Variants in PLIN3 observed in about 807,000 individuals in gnomAD.
PLIN3 encodes the protein perilipin-3.
PLIN3 carries 30 observed loss-of-function variants against 35.9 expected under a neutral mutation model. That is an observed-to-expected ratio of 0.84 (90% confidence interval 0.62 to 1.13). The LOEUF is 1.13. Ranked by LOEUF, PLIN3 falls within the 50% of genes most tolerant of loss-of-function variation. PLIN3 has a pLI of 0.00. For missense variants in PLIN3, 603 were observed against 596.9 expected (o/e 1.01, Z -0.11); for synonymous variants, 261 against 262.5 (o/e 0.99, Z 0.06).
intron 4 of PLIN3, among the ~76,000 whole-genome samples, chr19:4,855,502 G>A (rs2030445415): frequency 6.6e-6 from 1 of 151,778 alleles, no homozygotes. Flanking sequence ...CTGATAAGGT[G>A]TAGGCATGGC....
chr19:4,847,249 G>A (rs2030131615), intron 6 of PLIN3, among the ~76,000 whole-genome samples: 1 of 151,016 alleles, frequency 6.6e-6, no homozygotes, highest in South Asian at 2.1e-4. Flanking sequence ...CAGTGCAGTG[G>A]CACAATCATA....
chr19:4,852,209 C>A lies in PLIN3; in HGVS notation c.441G>T (p.Leu147Phe). 6.2e-7 allele frequency: 1 copy of A among 1,612,404 alleles called. No homozygotes were observed. The highest frequency in any genetic ancestry group is 8.5e-7 in the Non-Finnish European group (1 of 1,180,008). The change falls in exon 5 of 8, where the codon TTG (leucine) becomes TTT (phenylalanine). Residue 147 changes from leucine (L) to phenylalanine (F), a missense_variant. Physicochemically the swap from Leu to Phe is conservative, Grantham distance 22 (BLOSUM62 0). Coordinates refer to ENST00000221957, the MANE Select transcript of PLIN3 (RefSeq NM_005817.5). ...CGCGGGTCGCGTCCACCGCCTCCGA[C>A]AATTGGGTGGCCACCGTGTCCTTGG... The part of the protein sequence containing the change: ...SSAKDTVATQ[L>F]SEAVDATRGA...
Position 4,861,433 on chromosome 19 carries a change from G to C in PLIN3, c.-17-22C>G, listed in dbSNP as rs780900745. 3.2e-6 allele frequency: 5 copies of C among 1,571,910 alleles called. No individual in the cohort carries two copies. The East Asian group carries it at 6.7e-5, about 21-fold the overall frequency. ...GACGCTGAGGAGAGAGGAACAGTCA[G>C]GTACAGCCTGCCTGGCCCCACCTTC... On this transcript the variant is annotated intron_variant, in intron 1 of 7. Transcript: ENST00000221957.
At chr19:4,861,046 G>A (rs2030657442) in intron 2 of PLIN3, among the ~76,000 whole-genome samples, 1 of 152,150 alleles carries the variant, frequency 6.6e-6, no homozygotes, top group Non-Finnish European at 1.5e-5. Flanking sequence ...GGACGTCCCT[G>A]AGAGAGCCTT....
rs184494540 is a variant in PLIN3, at chr19:4,865,945, G to A, written c.-18+1664C>T. ...TCACCATGTTAGCCAGGATCGTCTC[G>A]ATCTCCTGACCTCATGATCCGCCCG... is the stretch of plus-strand genomic sequence containing the variant. On this transcript the variant is annotated intron_variant, in intron 1 of 7. Coordinates refer to ENST00000221957, the MANE Select transcript of PLIN3 (RefSeq NM_005817.5). Among the ~76,000 whole-genome samples, 191 of 150,378 alleles carry A rather than the reference G, an allele frequency of 1.3e-3. 2 individuals are homozygous for A. The East Asian group carries it at 0.032, about 25-fold the overall frequency.
intron 2 of PLIN3, among the ~76,000 whole-genome samples, 190 bp downstream of exon 2, chr19:4,861,139 G>T (rs1377670600): frequency 1.3e-5 from 2 of 152,120 alleles, no homozygotes; most frequent in African/African-American, 2.4e-5. Flanking sequence ...CCCTCCAAGG[G>T]CCTTTGAGAT....
chr19:4,859,270 C>T (rs1177462729), intron 4 of PLIN3, among the ~76,000 whole-genome samples: 1 of 152,062 alleles, frequency 6.6e-6, no homozygotes, highest in Non-Finnish European at 1.5e-5. Context: ...TCCTATAATC[C>T]CAGCACTTTG....
At chr19:4,858,270 C>CAAAAA (rs1188330437) in intron 4 of PLIN3, among the ~76,000 whole-genome samples, 26 of 51,178 alleles carry the variant, frequency 5.1e-4, no homozygotes, top group East Asian at 7.0e-4. Context: ...GACCCCGTCT[C>CAAAAA]AAAAAAAAAA....
At position 4,861,413 on chromosome 19, in the gene PLIN3, T is replaced by G. The variant is rs1339777526; in HGVS notation, c.-17-2A>C. ...CAGACATGGTCTCTGCAGCAGACGC[T>G]GAGGAGAGAGGAACAGTCAGGTACA... On this transcript the variant is annotated splice_acceptor_variant, in intron 1 of 7. Coordinates refer to ENST00000221957, the MANE Select transcript of PLIN3 (RefSeq NM_005817.5). LOFTEE classifies it low-confidence loss of function (5UTR_SPLICE). 6.2e-7 allele frequency: 1 copy of G among 1,608,354 alleles called. No individual in the cohort carries two copies. Among genetic ancestry groups the G allele is most frequent in the African/African-American group, 1.3e-5 (1 of 74,990 alleles).
At chr19:4,848,428 G>C (rs1218683479) in intron 5 of PLIN3, among the ~76,000 whole-genome samples, 1 of 152,224 alleles carries the variant, frequency 6.6e-6, no homozygotes, top group African/African-American at 2.4e-5. Flanking sequence ...AGACTAGCAG[G>C]AGGGTCTCAA....
intron 6 of PLIN3, among the ~76,000 whole-genome samples, chr19:4,845,715 G>T (rs993801453): frequency 6.6e-6 from 1 of 151,808 alleles, no homozygotes; most frequent in Non-Finnish European, 1.5e-5. Context: ...ACGAGGTGAG[G>T]AGATCGAGAC....
intron 5 of PLIN3, among the ~76,000 whole-genome samples, chr19:4,851,766 C>T (rs917093741): frequency 2.0e-5 from 3 of 151,928 alleles, no homozygotes; most frequent in East Asian, 1.9e-4. Flanking sequence ...GGCAGAGGGA[C>T]GGGTTCTGAC....
At chr19:4,853,654 A>G (rs144371997) in intron 4 of PLIN3, among the ~76,000 whole-genome samples, 1 of 151,912 alleles carries the variant, frequency 6.6e-6, no homozygotes, top group African/African-American at 2.4e-5. Context: ...GAGACAAAAA[A>G]TACAAAAAAT....
chr19:4,846,183 G>A (rs755754447), intron 6 of PLIN3, among the ~76,000 whole-genome samples: 3 of 151,700 alleles, frequency 2.0e-5, no homozygotes, highest in South Asian at 2.1e-4. Context: ...CTGAGATCGC[G>A]CCACAAAAAG....
chr19:4,847,635 TG>T, intron 6 of PLIN3, 55 bp downstream of exon 6: 1 of 1,439,388 alleles, frequency 6.9e-7, no homozygotes, highest in Non-Finnish European at 9.6e-7. Flanking sequence ...TCTGGGTGGG[TG>T]TCTGCTGCGG....
intron 5 of PLIN3, among the ~76,000 whole-genome samples, chr19:4,849,072 C>T (rs914995319): frequency 5.3e-5 from 8 of 151,698 alleles, no homozygotes; most frequent in African/African-American, 1.5e-4. Flanking sequence ...TCAAGCTATC[C>T]TTCAACCTTG....
At chr19:4,861,299 G>C (rs747739741) in intron 2 of PLIN3, 30 bp downstream of exon 2, 2 of 1,598,094 alleles carry the variant, frequency 1.3e-6, no homozygotes, top group Non-Finnish European at 1.7e-6. Flanking sequence ...CACAGGGTCG[G>C]GGCAGTCCCT....
chr19:4,849,214 C>G lies in PLIN3; in HGVS notation c.635-1324G>C, dbSNP rs2030205401. Among the ~76,000 whole-genome samples, 3 of 152,120 alleles carry G rather than the reference C, an allele frequency of 2.0e-5. No individual in the cohort carries two copies. The South Asian group carries it at 6.2e-4, about 32-fold the overall frequency. ...TCTTGAAATCCTGGACTCAAGCAAT[C>G]TGCTCGCCTCAGACTCCCAAAGTGC... On this transcript the variant is annotated intron_variant, in intron 5 of 7. Transcript: ENST00000221957.
At position 4,847,796 on chromosome 19, in the gene PLIN3, C is replaced by T. The variant is rs201530589; in HGVS notation, c.729G>A (p.Ser243=). 1.6e-4 allele frequency: 251 copies of T among 1,613,748 alleles called. 2 individuals are homozygous for T. In the South Asian group the frequency reaches 2.4e-3, roughly 16 times the overall value. Residue 243 remains serine (S), a synonymous_variant, in exon 6 of 8, where the codon TCG becomes TCA. Transcript: ENST00000221957. ...QSYFVRLGSL[S]ERLRQHAYEH... is the part of the protein sequence containing the mutation. ...CATAGGCGTGCTGCCGCAGCCTCTC[C>T]GACAGGGAGCCCAGACGTACGAAGT... is the stretch of plus-strand genomic sequence containing the variant.
Sources: allele counts gnomAD v4.1 joint callset (sites outside exome capture counted in the v4.1 genomes callset), GRCh38; gene constraint gnomAD v4.1.1; transcripts MANE v1.5; gene names NCBI Gene and HGNC (gene_info 2026-07-23, HGNC 2026-07-21).